The following NBAS variants were observed in gnomAD, a reference collection of about 807,000 sequenced individuals.
NBAS encodes the protein NAG/BC035112 fusion.
In NBAS, 219 loss-of-function variants were observed where a neutral mutation model predicts 302.5. The ratio of observed to expected loss-of-function variants is 0.72; its 90% CI spans 0.65 to 0.81. The LOEUF is 0.81. Among genes scored for constraint, NBAS ranks in the 30% least tolerant of loss-of-function variants. The probability of loss-of-function intolerance (pLI) is 0.00; values close to 1 mark genes in which losing one functional copy is unlikely to be tolerated. For missense variants in NBAS, 2,932 were observed against 2,841.6 expected, an observed-to-expected ratio of 1.03 and a Z score of -0.72; for synonymous variants, 1,118 against 1,021.6, an observed-to-expected ratio of 1.09 and a Z score of -1.80.
At chr2:15,102,977 G>GAGGAAGGAAGGAAGGAATGAAGGAAGGA in the NBAS span, among the ~76,000 whole-genome samples, 1 of 95,434 alleles carries the variant, frequency 1.0e-5, no homozygotes. Context: ...AGGCATTAAG[G>GAGGAAGGAAGGAAGGAATGAAGGAAGGA]AGGAAGGAAG....
Position 15,345,234 on chromosome 2 carries a change from G to C in NBAS, c.4179+6758C>G, listed in dbSNP as rs368023189. Among the ~76,000 whole-genome samples the C allele has an allele frequency of 3.2e-4, 48 of 152,188 alleles. 1 individual carries two copies. The East Asian group carries it at 7.7e-3, about 24-fold the overall frequency. On this transcript the variant is annotated intron_variant, in intron 35 of 51. Coordinates refer to ENST00000281513, the MANE Select transcript of NBAS (RefSeq NM_015909.4). ...AGTCAAATTGTCTCTGTTTGCAGAC[G>C]ACCTGATTTTGTATTTAGAAAACCC...
chr2:15,307,232 A>G (rs1013678472), intron 40 of NBAS, among the ~76,000 whole-genome samples: 6 of 152,214 alleles, frequency 3.9e-5, no homozygotes, highest in Admixed American at 2.6e-4. Flanking sequence ...AATTGTGGAA[A>G]TCTAAAACGG....
chr2:15,135,548 G>A, the NBAS span, among the ~76,000 whole-genome samples: 1 of 152,158 alleles, frequency 6.6e-6, no homozygotes, highest in African/African-American at 2.4e-5. Flanking sequence ...TGAGCAGTGG[G>A]GTTGGTTGGG....
chr2:15,417,561 T>G lies in NBAS; in HGVS notation c.2729A>C (p.Lys910Thr). The change falls in exon 24 of 52, where the codon AAA (lysine) becomes ACA (threonine). Residue 910 changes from lysine to threonine, a missense_variant. Coordinates refer to ENST00000281513, the MANE Select transcript of NBAS (RefSeq NM_015909.4). ...CAGTAATCTTAGTTTTTCAATGTCTTTCATCTGCTGGAGTTCTTTCAGGGT... is the reference window on the plus strand; with the variant it reads ...CAGTAATCTTAGTTTTTCAATGTCTGTCATCTGCTGGAGTTCTTTCAGGGT... ...TLTLKELQQM[K>T]DIEKLRLLMN... 6.2e-7 allele frequency: 1 copy of G among 1,613,878 alleles called. No individual in the cohort carries two copies. Among genetic ancestry groups the G allele is most frequent in the Non-Finnish European group, 8.5e-7 (1 of 1,179,876 alleles).
At chr2:14,902,754 A>G in the NBAS span, among the ~76,000 whole-genome samples, 1 of 152,222 alleles carries the variant, frequency 6.6e-6, no homozygotes, top group Admixed American at 6.5e-5. Flanking sequence ...TAAGTTTATA[A>G]GGAGGTAATT....
At chr2:14,787,187 C>T in the NBAS span, among the ~76,000 whole-genome samples, 1 of 152,132 alleles carries the variant, frequency 6.6e-6, no homozygotes, top group African/African-American at 2.4e-5. Context: ...GATCTTCCTC[C>T]ATCCTTTTAT....
Position 15,412,456 on chromosome 2 carries a change from T to C in NBAS, c.2937+3090A>G, listed in dbSNP as rs544846022. 2.2e-4 allele frequency among the ~76,000 whole-genome samples: 34 copies of C among 152,302 alleles called. 1 individual carries two copies. In the South Asian group the frequency reaches 6.8e-3, roughly 31 times the overall value. On this transcript the variant is annotated intron_variant, in intron 25 of 51. Transcript: ENST00000281513. ...ACGTTTGACACTTGTGAGAAATAAA[T>C]GTTCGCAGTCGTAAGCTACTAAGAT...
chr2:15,257,052 T>C (rs918035902), intron 44 of NBAS, among the ~76,000 whole-genome samples: 4 of 152,220 alleles, frequency 2.6e-5, no homozygotes, highest in Non-Finnish European at 4.4e-5. Flanking sequence ...ATTAGGGTGA[T>C]ACTGGCTTCC....
At chr2:14,864,359 C>A in the NBAS span, among the ~76,000 whole-genome samples, 3 of 151,482 alleles carry the variant, frequency 2.0e-5, no homozygotes, top group African/African-American at 7.3e-5. Flanking sequence ...ATAAAACAGC[C>A]AAGACTTGAA....
chr2:14,991,516 C>T, the NBAS span, among the ~76,000 whole-genome samples: 2 of 152,314 alleles, frequency 1.3e-5, no homozygotes, highest in African/African-American at 4.8e-5. Flanking sequence ...AAATTTCCTG[C>T]AGCACCATGG....
intron 38 of NBAS, among the ~76,000 whole-genome samples, chr2:15,315,830 T>C (rs1256609427): frequency 6.6e-6 from 1 of 152,154 alleles, no homozygotes; most frequent in Non-Finnish European, 1.5e-5. Context: ...ACATGAATTG[T>C]AGGGAACTGA....
Position 15,451,997 on chromosome 2 carries a change from T to TA in NBAS, c.2339+9203dup, listed in dbSNP as rs754723466. On this transcript the variant is annotated intron_variant, in intron 21 of 51. Coordinates refer to ENST00000281513, the MANE Select transcript of NBAS (RefSeq NM_015909.4). ...ATATCATACCTTGAGAACATTACGCTAAAAAAAAAAAAAAGTCAATAAATG... is the reference window on the plus strand; with the variant it reads ...ATATCATACCTTGAGAACATTACGCTAAAAAAAAAAAAAAAGTCAATAAATG... Among the ~76,000 whole-genome samples, 1,091 of 136,748 alleles carry TA rather than the reference T, an allele frequency of 8.0e-3. 11 individuals are homozygous for TA. The highest frequency in any genetic ancestry group is 0.026 in the East Asian group (125 of 4,798). 89.7% of individuals were successfully genotyped at this position (136,748 alleles called of 152,430 possible). A position where few individuals can be genotyped will look rare whatever the true frequency, so the allele number is the denominator to read the frequency against.
intron 21 of NBAS, among the ~76,000 whole-genome samples, chr2:15,436,087 T>A (rs1677999375): frequency 6.6e-6 from 1 of 151,942 alleles, no homozygotes; most frequent in African/African-American, 2.4e-5. Flanking sequence ...AATGAATGAA[T>A]GATCAGTAGG....
the NBAS span, among the ~76,000 whole-genome samples, chr2:14,830,207 A>C: frequency 1.3e-5 from 2 of 152,232 alleles, no homozygotes. Flanking sequence ...GCAGAGGTAG[A>C]GGGGCCATCT....
the NBAS span, among the ~76,000 whole-genome samples, chr2:14,997,851 G>A: frequency 0.014 from 2,095 of 152,258 alleles, 22 homozygotes; most frequent in Non-Finnish European, 0.021. Flanking sequence ...GCCAAGAGAT[G>A]AGTCAGACAT....
At chr2:15,334,453 G>C (rs1672489254) in intron 35 of NBAS, among the ~76,000 whole-genome samples, 1 of 152,224 alleles carries the variant, frequency 6.6e-6, no homozygotes, top group South Asian at 2.1e-4. Context: ...CTCCCAAAGT[G>C]CTGGGATTAC....
chr2:15,271,859 A>G (rs997942241), intron 44 of NBAS, among the ~76,000 whole-genome samples: 42 of 152,306 alleles, frequency 2.8e-4, no homozygotes, highest in Non-Finnish European at 3.4e-4. Flanking sequence ...AAAAATGCTT[A>G]TAACAGCTGA....
intron 48 of NBAS, among the ~76,000 whole-genome samples, chr2:15,191,718 T>C (rs545117702): frequency 6.6e-6 from 1 of 152,204 alleles, no homozygotes; most frequent in South Asian, 2.1e-4. Flanking sequence ...GAAGATTCAA[T>C]AAGCTACATA....
chr2:15,049,464 C>G, the NBAS span, among the ~76,000 whole-genome samples: 3 of 152,180 alleles, frequency 2.0e-5, no homozygotes, highest in African/African-American at 7.2e-5. Flanking sequence ...CCTGTGGGAC[C>G]CCAGGCCTCC....
Sources: allele counts gnomAD v4.1 joint callset (sites outside exome capture counted in the v4.1 genomes callset), GRCh38; gene constraint gnomAD v4.1.1; transcripts MANE v1.5; gene names NCBI Gene and HGNC (gene_info 2026-07-23, HGNC 2026-07-21).